The following ABCC8 variants were observed in gnomAD, a reference collection of about 807,000 sequenced individuals.
ABCC8 encodes ATP-binding cassette sub-family C member 8.
A neutral mutation model predicts 188.0 loss-of-function variants in ABCC8; 137 were observed. The ratio of observed to expected loss-of-function variants is 0.73; its 90% CI spans 0.63 to 0.84. The LOEUF is 0.84. Ranked by LOEUF, ABCC8 falls within the 40% of genes least tolerant of loss-of-function variation. The pLI is 0.00. For synonymous variants in ABCC8, 797 were observed against 846.5 expected (o/e 0.94, Z 1.01); for missense variants, 1,750 against 2,072.7 (o/e 0.84, Z 3.02).
chr11:17,434,896 C>T (rs927037820), intron 10 of ABCC8, among the ~76,000 whole-genome samples: 5 of 151,984 alleles, frequency 3.3e-5, no homozygotes, highest in African/African-American at 1.2e-4. Flanking sequence ...TTTCACCCTC[C>T]CCTTGAAGGA....
chr11:17,424,516 A>C (rs1013822486), intron 16 of ABCC8, among the ~76,000 whole-genome samples: 2 of 152,134 alleles, frequency 1.3e-5, no homozygotes, highest in Non-Finnish European at 2.9e-5. Flanking sequence ...TGCCTGCTTC[A>C]TCTACATAGG....
intron 7 of ABCC8, among the ~76,000 whole-genome samples, chr11:17,450,685 C>CTTTTTTTTTTTTT (rs71047553): frequency 1.3e-5 from 1 of 76,706 alleles, no homozygotes; most frequent in Non-Finnish European, 2.4e-5. Context: ...GCATGAGCCA[C>CTTTTTTTTTTTTT]TTTTTTTTTT....
At position 17,450,643 on chromosome 11, in the gene ABCC8, C is replaced by T. The variant is rs1356986645; in HGVS notation, c.1177-1972G>A. 1.1e-4 allele frequency among the ~76,000 whole-genome samples: 16 copies of T among 147,444 alleles called. 1 individual carries two copies. Among genetic ancestry groups the T allele is most frequent in the Non-Finnish European group, 1.6e-4 (11 of 67,316 alleles). On this transcript the variant is annotated intron_variant, in intron 7 of 38. Coordinates refer to ENST00000389817, the MANE Select transcript of ABCC8 (RefSeq NM_000352.6). The stretch of plus-strand genomic sequence containing the variant: ...CGATCTCCTGACCTTGTGATCCACC[C>T]GCCTTGGCCTCCCAAAGTGCTGGGA...
intron 26 of ABCC8, 56 bp downstream of exon 26, chr11:17,406,566 G>C: frequency 6.5e-7 from 1 of 1,531,710 alleles, no homozygotes; most frequent in Non-Finnish European, 8.9e-7. Flanking sequence ...GGAAGACTAA[G>C]GCTCAGAGAA....
rs71047553 is a variant in ABCC8 at position 17,450,685 on chromosome 11, C to CTTTTTTTTT, written c.1177-2023_1177-2015dup. Among the ~76,000 whole-genome samples, 355 of 76,716 alleles carry CTTTTTTTTT rather than the reference C, an allele frequency of 4.6e-3. 24 individuals are homozygous for CTTTTTTTTT. Among genetic ancestry groups the CTTTTTTTTT allele is most frequent in the Middle Eastern group, 0.026 (2 of 76 alleles). 50.3% of individuals were successfully genotyped at this position (76,716 alleles called of 152,430 possible). ...GTGCTGGGATTACAGGCATGAGCCA[C>CTTTTTTTTT]TTTTTTTTTTTTTTTTTTTTTGAGA... is the stretch of plus-strand genomic sequence containing the variant. On this transcript the variant is annotated intron_variant, in intron 7 of 38. Transcript: ENST00000389817.
At chr11:17,414,672 G>A in intron 18 of ABCC8, 62 bp from the exon 19 acceptor site, 1 of 1,607,976 alleles carries the variant, frequency 6.2e-7, no homozygotes, top group Non-Finnish European at 8.5e-7. Context: ...TGTTCTCAGA[G>A]GCAGTTGTCA....
chr11:17,470,154 G>A lies in ABCC8; in HGVS notation c.359C>T (p.Ser120Phe), dbSNP rs1222549831. 1 of 1,614,178 alleles carries A rather than the reference G, an allele frequency of 6.2e-7. No homozygotes were observed. The highest frequency in any genetic ancestry group is 8.5e-7 in the Non-Finnish European group (1 of 1,180,042). Residue 120 changes from serine to phenylalanine, a missense_variant, in exon 3 of 39, where the codon TCC becomes TTC. Coordinates refer to ENST00000389817, the MANE Select transcript of ABCC8 (RefSeq NM_000352.6). ...CTCGATGTTGTGATAGTAGACCACG[G>A]AGGTGACAGCAGCCATGAACGCCAT... ...AGMAFMAAVT[S>F]VVYYHNIETS... is the part of the protein sequence containing the mutation.
chr11:17,457,160 C>A (rs557043936), intron 6 of ABCC8, among the ~76,000 whole-genome samples: 1 of 152,254 alleles, frequency 6.6e-6, no homozygotes, highest in South Asian at 2.1e-4. Flanking sequence ...GAGGCCAGCC[C>A]ATGCATCAAA....
intron 22 of ABCC8, among the ~76,000 whole-genome samples, chr11:17,409,466 C>G (rs1954705561): frequency 6.6e-6 from 1 of 152,216 alleles, no homozygotes; most frequent in African/African-American, 2.4e-5. Context: ...AAGGTCACTA[C>G]AGAAACTCAG....
chr11:17,443,352 G>T (rs934960471), intron 8 of ABCC8, 40 bp from the exon 9 acceptor site: 1 of 1,613,512 alleles, frequency 6.2e-7, no homozygotes, highest in South Asian at 1.1e-5. Flanking sequence ...TTGACCTGAT[G>T]GTTGCCCTGC....
intron 2 of ABCC8, among the ~76,000 whole-genome samples, chr11:17,472,182 T>G (rs1179212507): frequency 1.3e-5 from 2 of 152,252 alleles, no homozygotes; most frequent in African/African-American, 4.8e-5. Context: ...ATAATTGAAC[T>G]AAATATTTCA....
intron 21 of ABCC8, among the ~76,000 whole-genome samples, chr11:17,412,092 C>T (rs1256569676): frequency 1.3e-5 from 2 of 151,984 alleles, no homozygotes; most frequent in African/African-American, 4.8e-5. Context: ...CGGGGTTTCA[C>T]CGTGTTGGCC....
chr11:17,397,339 C>T lies in ABCC8; in HGVS notation c.3868-26G>A, dbSNP rs374956482. The T allele has an allele frequency of 3.1e-6, 5 of 1,606,910 alleles. No individual in the cohort carries two copies. The African/African-American group carries it at 4.0e-5, about 13-fold the overall frequency. ...CTGTGGGGAGCAAGCCAGTGGCGCA[C>T]ACTCCATGGTCGCTTAGTTCTGTCC... On this transcript the variant is annotated intron_variant, in intron 31 of 38. Coordinates refer to ENST00000389817, the MANE Select transcript of ABCC8 (RefSeq NM_000352.6).
chr11:17,450,246 TTC>T (rs1264598349), intron 7 of ABCC8, among the ~76,000 whole-genome samples: 3 of 67,888 alleles, frequency 4.4e-5, no homozygotes, highest in African/African-American at 1.6e-4. Flanking sequence ...TCTTTTCTTT[TTC>T]TTTCTTTCTT....
At chr11:17,425,535 G>T (rs1591791537) in intron 16 of ABCC8, among the ~76,000 whole-genome samples, 1 of 152,166 alleles carries the variant, frequency 6.6e-6, no homozygotes, top group East Asian at 1.9e-4. Flanking sequence ...AAAGCCCAGA[G>T]ATCCCTTTTT....
intron 1 of ABCC8, 33 bp downstream of exon 1, chr11:17,476,592 CCCGT>C: frequency 6.2e-7 from 1 of 1,604,816 alleles, no homozygotes; most frequent in Non-Finnish European, 8.5e-7. Context: ...TCCCTGCTCT[CCCGT>C]CCCCTCCTCC....
At position 17,406,709 on chromosome 11, in the gene ABCC8, G is replaced by A. The variant is rs764005234; in HGVS notation, c.3242C>T (p.Thr1081Met). The A allele has an allele frequency of 6.8e-6, 11 of 1,614,064 alleles. No homozygotes were observed. Among genetic ancestry groups the A allele is most frequent in the African/African-American group, 6.7e-5 (5 of 74,912 alleles). Residue 1081 changes from threonine to methionine, a missense_variant, in exon 26 of 39, where the codon ACG becomes ATG. Transcript: ENST00000389817. ...CSLGIVLCLV[T>M]SVTVEWTGLK... ...CCCTGTCCACTCCACAGTGACAGAC[G>A]TGACGAGGCACAGCACAATGCCCAG... is the stretch of plus-strand genomic sequence containing the variant.
intron 10 of ABCC8, among the ~76,000 whole-genome samples, chr11:17,436,583 A>G (rs1467843991): frequency 6.6e-6 from 1 of 152,260 alleles, no homozygotes; most frequent in African/African-American, 2.4e-5. Context: ...TATAGTGCTC[A>G]GATCTTGAAA....
chr11:17,457,693 G>A (rs1377492406), intron 6 of ABCC8, among the ~76,000 whole-genome samples: 2 of 152,188 alleles, frequency 1.3e-5, no homozygotes, highest in Admixed American at 6.5e-5. Flanking sequence ...CGGGGTGACA[G>A]GAGCATCAAA....
Sources: allele counts gnomAD v4.1 joint callset (sites outside exome capture counted in the v4.1 genomes callset), GRCh38; gene constraint gnomAD v4.1.1; transcripts MANE v1.5; gene names NCBI Gene and HGNC (gene_info 2026-07-23, HGNC 2026-07-21).